The following LRP5 variants were observed in gnomAD, a reference collection of about 807,000 sequenced individuals.
LRP5 encodes the protein low-density lipoprotein receptor-related protein 5.
Under a neutral mutation model 154.1 loss-of-function variants are expected in LRP5, and 62 were observed. The ratio of observed to expected loss-of-function variants is 0.40; its 90% CI spans 0.33 to 0.50. The LOEUF (loss-of-function observed/expected upper bound fraction) is 0.50. Ranked by LOEUF, LRP5 falls within the 20% of genes least tolerant of loss-of-function variation. The probability of loss-of-function intolerance (pLI) is 0.55; values close to 1 mark genes in which losing one functional copy is unlikely to be tolerated. For missense variants in LRP5, 1,915 were observed against 2,336.7 expected (o/e 0.82, Z 3.72); for synonymous variants, 966 against 1,011.5 (o/e 0.96, Z 0.85).
At chr11:68,441,221 G>A (rs991809523) in intron 21 of LRP5, among the ~76,000 whole-genome samples, 2 of 152,104 alleles carry the variant, frequency 1.3e-5, no homozygotes, top group African/African-American at 2.4e-5. Context: ...AGGACTGCAC[G>A]CATGCATCCC....
upstream of LRP5, among the ~76,000 whole-genome samples, chr11:68,308,842 G>A (rs1365069448): frequency 2.0e-5 from 3 of 149,716 alleles, no homozygotes; most frequent in African/African-American, 4.9e-5. Flanking sequence ...TCTGCCTCCC[G>A]GGTTCAAGTG....
At chr11:68,309,475 C>T (rs1315120343), upstream of LRP5, among the ~76,000 whole-genome samples, 1 of 152,026 alleles carries the variant, frequency 6.6e-6, no homozygotes, top group East Asian at 1.9e-4. Context: ...CCTCGTGATC[C>T]ACCCTCCTCG....
chr11:68,342,571 G>T (rs941020867), intron 1 of LRP5, among the ~76,000 whole-genome samples: 10 of 152,212 alleles, frequency 6.6e-5, no homozygotes, highest in African/African-American at 2.4e-4. Flanking sequence ...GGTGGTGGGA[G>T]AGTGATGTGG....
In LRP5 at chr11:68,353,709, C is replaced by T. The variant is rs1192186026; in HGVS notation, c.489-3941C>T. 6.6e-6 allele frequency among the ~76,000 whole-genome samples: 1 copy of T among 152,180 alleles called. No homozygotes were observed. The highest frequency in any genetic ancestry group is 1.5e-5 in the Non-Finnish European group (1 of 68,010). Reference sequence around the variant, plus strand: ...CCTGTGCCCTCCTGCAGTGCTGTCCCCCACCAGGGTCCTTCCTCAGAGGAG... The same window carrying T: ...CCTGTGCCCTCCTGCAGTGCTGTCCTCCACCAGGGTCCTTCCTCAGAGGAG... On this transcript the variant is annotated intron_variant, in intron 2 of 22. Transcript: ENST00000294304. This position sits in a 1 kb window ranked among gnomAD's most constrained non-coding sequence, Gnocchi z 4.5.
chr11:68,334,471 T>C (rs537976485), intron 1 of LRP5, among the ~76,000 whole-genome samples: 2 of 152,302 alleles, frequency 1.3e-5, no homozygotes, highest in African/African-American at 4.8e-5. Context: ...TTGGAGAAGG[T>C]GCTTACAAAC....
chr11:68,404,814 C>A (rs562115045), intron 8 of LRP5, among the ~76,000 whole-genome samples: 2 of 151,692 alleles, frequency 1.3e-5, no homozygotes, highest in Non-Finnish European at 2.9e-5. Context: ...ACTAAAAATA[C>A]AAAAAATTAG....
intron 5 of LRP5, among the ~76,000 whole-genome samples, chr11:68,366,097 A>T (rs1334147517): frequency 6.6e-6 from 1 of 152,054 alleles, no homozygotes; most frequent in Non-Finnish European, 1.5e-5. Context: ...ACACACGTTC[A>T]GGATGCAGCT....
At chr11:68,380,194 C>A (rs1167162140) in intron 5 of LRP5, among the ~76,000 whole-genome samples, 4 of 152,212 alleles carry the variant, frequency 2.6e-5, no homozygotes, top group Non-Finnish European at 5.9e-5. Context: ...CCAGATGGCT[C>A]ACCATCTAGT....
At chr11:68,366,760 T>G (rs1402640021) in intron 5 of LRP5, among the ~76,000 whole-genome samples, 1 of 152,118 alleles carries the variant, frequency 6.6e-6, no homozygotes, top group Admixed American at 6.5e-5. Context: ...GCATCTTGTT[T>G]CCCAAGTCGG....
At chr11:68,339,875 A>G (rs2098607920) in intron 1 of LRP5, among the ~76,000 whole-genome samples, 1 of 152,186 alleles carries the variant, frequency 6.6e-6, no homozygotes, top group African/African-American at 2.4e-5. Context: ...ATTACTGGTC[A>G]TAGGATCATT....
chr11:68,440,917 T>C lies in LRP5; in HGVS notation c.4488+1001T>C, dbSNP rs190868048. Among the ~76,000 whole-genome samples, 576 of 152,112 alleles carry C rather than the reference T, an allele frequency of 3.8e-3. 4 individuals are homozygous for C. Among genetic ancestry groups the C allele is most frequent in the East Asian group, 0.018 (92 of 5,158 alleles). ...CCTAGTAGCTGGGATTACAGGCATG[T>C]GCCACCACGCCCAGCTAATTTTGTA... On this transcript the variant is annotated intron_variant, in intron 21 of 22. Coordinates refer to ENST00000294304, the MANE Select transcript of LRP5 (RefSeq NM_002335.4).
rs192881455 is a variant in LRP5, at chr11:68,402,493, G to A, written c.1585-990G>A. 5.0e-4 allele frequency among the ~76,000 whole-genome samples: 76 copies of A among 152,298 alleles called. No homozygotes were observed. In the East Asian group the frequency reaches 0.014, roughly 27 times the overall value. Reference sequence around the variant, plus strand: ...CCAGAAGTGCCCTCAGAGTTCATCCGGCCCTGACCCAGCGGGAAATGAGTT... The same window carrying A: ...CCAGAAGTGCCCTCAGAGTTCATCCAGCCCTGACCCAGCGGGAAATGAGTT... On this transcript the variant is annotated intron_variant, in intron 7 of 22. Transcript: ENST00000294304.
intron 1 of LRP5, among the ~76,000 whole-genome samples, chr11:68,331,248 T>C (rs1192792638): frequency 2.0e-5 from 3 of 152,266 alleles, no homozygotes; most frequent in Non-Finnish European, 2.9e-5. Context: ...TCACCAACAC[T>C]GTTCTGTCAC....
intron 19 of LRP5, among the ~76,000 whole-genome samples, chr11:68,437,911 G>T (rs929196386): frequency 6.6e-6 from 1 of 152,260 alleles, no homozygotes; most frequent in Admixed American, 6.5e-5. Context: ...CTTCATCGAC[G>T]CCCTCAGGAT....
intron 6 of LRP5, among the ~76,000 whole-genome samples, chr11:68,388,075 G>A (rs2098644018): frequency 6.6e-6 from 1 of 152,100 alleles, no homozygotes; most frequent in Non-Finnish European, 1.5e-5. Context: ...AGCACAGCAG[G>A]CAGAGGGCGG....
Position 68,406,738 on chromosome 11 carries a change from G to A in LRP5, c.2016G>A (p.Thr672=), listed in dbSNP as rs375853556. ...ACAACGACGTGGCCATCCCGCTCACGGGCGTCAAGGAGGCCTCAGCCCTGG... is the reference window on the plus strand; with the variant it reads ...ACAACGACGTGGCCATCCCGCTCACAGGCGTCAAGGAGGCCTCAGCCCTGG... ...TNNNDVAIPL[T]GVKEASALDF... Residue 672 remains threonine, a synonymous_variant, in exon 9 of 23, where the codon ACG becomes ACA. Coordinates refer to ENST00000294304, the MANE Select transcript of LRP5 (RefSeq NM_002335.4). 19 of 1,613,970 alleles carry A rather than the reference G, an allele frequency of 1.2e-5. 1 individual carries two copies. The highest frequency in any genetic ancestry group is 5.5e-5 in the South Asian group (5 of 91,082).
rs550766311 is a variant in LRP5 at position 68,439,904 on chromosome 11, G to A, written c.4476G>A (p.Thr1492=). 145 of 1,514,820 alleles carry A rather than the reference G, an allele frequency of 9.6e-5. No homozygotes were observed. The East Asian group carries it at 3.0e-3, about 32-fold the overall frequency. The allele number at this position is 1,514,820 out of a possible 1,614,324, so 93.8% of individuals were successfully genotyped here. The change falls in exon 21 of 23, where the codon ACG becomes ACA. Residue 1492 remains threonine (T), a synonymous_variant. Transcript: ENST00000294304. ...SSSSSSSTKA[T]LYPPILNPPP... is the part of the protein sequence containing the mutation. The stretch of plus-strand genomic sequence containing the variant: ...GCAGCTCGTCCAGCACGAAGGCCAC[G>A]CTGTACCCGCCGGTGAGGGGCGGGG...
chr11:68,437,844 G>A (rs960034205), intron 19 of LRP5, among the ~76,000 whole-genome samples: 1 of 152,262 alleles, frequency 6.6e-6, no homozygotes. Context: ...CTGTGGGGGC[G>A]CTGTTGATGC....
intron 1 of LRP5, among the ~76,000 whole-genome samples, chr11:68,315,846 A>T (rs925616018): frequency 6.6e-6 from 1 of 152,240 alleles, no homozygotes. Context: ...TCCACAAGGC[A>T]GCGGAAGCTT....
Sources: gnomAD v4.1 joint callset for allele counts (sites outside exome capture counted in the v4.1 genomes callset) on GRCh38, gnomAD v4.1.1 for gene constraint, Gnocchi (gnomAD v3.1) non-coding constraint, MANE v1.5 for transcripts, NCBI Gene and HGNC (gene_info 2026-07-23, HGNC 2026-07-21) for gene names.